H2BC5: variants seen among roughly 807,000 people sequenced by gnomAD.
H2BC5 encodes the protein histone H2B type 1-D.
Under a neutral mutation model 5.7 loss-of-function variants are expected in H2BC5, and 9 were observed. That is an observed-to-expected ratio of 1.57 (90% CI 0.95 to 2.74). H2BC5 has a LOEUF of 2.74. Among genes scored for constraint, H2BC5 ranks in the 30% most tolerant of loss-of-function variants. H2BC5 has a pLI of 0.00. For missense variants in H2BC5, 175 were observed against 168.8 expected, an observed-to-expected ratio of 1.04 and a Z score of -0.20; for synonymous variants, 133 against 70.9, an observed-to-expected ratio of 1.88 and a Z score of -4.40.
At position 26,158,472 on chromosome 6, in the gene H2BC5, G is replaced by C; in HGVS notation, c.303G>C (p.Leu101=). The C allele has an allele frequency of 1.2e-6, 2 of 1,614,256 alleles. No individual in the cohort carries two copies. Among genetic ancestry groups the C allele is most frequent in the South Asian group, 1.1e-5 (1 of 91,084 alleles). ...TSREIQTAVR[L]LLPGELAKHA... is the part of the protein sequence containing the mutation. ...GGGAGATCCAGACGGCCGTGCGCCT[G>C]CTGCTTCCGGGGGAGCTGGCCAAGC... The change falls in exon 1 of 1, where the codon CTG becomes CTC. Residue 101 remains leucine (L), a synonymous_variant. Coordinates refer to ENST00000377777, the MANE Select transcript of H2BC5 (RefSeq NM_021063.4).
intron 1 of H2BC5, among the ~76,000 whole-genome samples, chr6:26,169,624 G>C (rs556454661): frequency 3.1e-4 from 47 of 152,036 alleles, no homozygotes; most frequent in Non-Finnish European, 5.7e-4. Context: ...TGAGAAAAAA[G>C]GTGAGAGAAA....
rs1764270419 is a variant in H2BC5, at chr6:26,158,247, C to CG, written c.81dup (p.Lys28GlufsTer110). 1 of 1,614,210 alleles carries CG rather than the reference C, an allele frequency of 6.2e-7. No homozygotes were observed. Among genetic ancestry groups the CG allele is most frequent in the Non-Finnish European group, 8.5e-7 (1 of 1,180,044 alleles). ...CGGTGACTAAGGCTCAGAAGAAGGA[C>CG]GGGAAGAAGCGCAAGCGCAGCCGCA... On this transcript the variant is annotated frameshift_variant, in exon 1 of 1. Coordinates refer to ENST00000377777, the MANE Select transcript of H2BC5 (RefSeq NM_021063.4). LOFTEE classifies it high-confidence loss of function.
intron 1 of H2BC5, among the ~76,000 whole-genome samples, chr6:26,168,194 C>G (rs1764462873): frequency 6.6e-6 from 1 of 151,976 alleles, no homozygotes; most frequent in Non-Finnish European, 1.5e-5. Flanking sequence ...CCCAGTGGCT[C>G]AAGCCTGTAA....
chr6:26,158,370 C>G lies in H2BC5; in HGVS notation c.201C>G (p.Val67=), dbSNP rs779794822. ...CAATGGGGATCATGAATTCCTTCGT[C>G]AACGACATCTTCGAGCGCATCGCAG... ...SKAMGIMNSF[V]NDIFERIAGE... is the part of the protein sequence containing the mutation. Residue 67 remains valine (V), a synonymous_variant, in exon 1 of 1, where the codon GTC becomes GTG. Transcript: ENST00000377777. The G allele has an allele frequency of 1.2e-6, 2 of 1,614,276 alleles. No individual in the cohort carries two copies. Among genetic ancestry groups the G allele is most frequent in the Admixed American group, 1.7e-5 (1 of 60,030 alleles).
chr6:26,162,122 G>C (rs1195904623), downstream of H2BC5, among the ~76,000 whole-genome samples: 1 of 152,176 alleles, frequency 6.6e-6, no homozygotes, highest in Non-Finnish European at 1.5e-5. Context: ...AAAAGATTGT[G>C]ACTTCTGTTA....
chr6:26,171,285 T>G (rs1047208258), exon 2 of H2BC5: 3 of 152,228 alleles, frequency 2.0e-5, no homozygotes, highest in Non-Finnish European at 4.4e-5. Flanking sequence ...AAAGTCTGAA[T>G]GAGAAGATGG....
chr6:26,164,790 C>CT (rs1000406825), intron 1 of H2BC5, among the ~76,000 whole-genome samples: 4 of 151,958 alleles, frequency 2.6e-5, no homozygotes, highest in African/African-American at 9.7e-5. Flanking sequence ...ATGGAAGGCT[C>CT]TGGTGGTACC....
chr6:26,163,270 C>T (rs1764376803), downstream of H2BC5: 1 of 152,042 alleles, frequency 6.6e-6, no homozygotes, highest in Non-Finnish European at 1.5e-5. Context: ...TGAGGCACCG[C>T]ACCTGGCCCA....
At chr6:26,163,936 C>T (rs145152284) in intron 1 of H2BC5, 17 of 243,994 alleles carry the variant, frequency 7.0e-5, no homozygotes, top group Admixed American at 3.7e-4. Flanking sequence ...CCATTTCCTC[C>T]GGCACATGTT....
At chr6:26,159,940 C>G (rs1157414865), downstream of H2BC5, among the ~76,000 whole-genome samples, 1 of 152,214 alleles carries the variant, frequency 6.6e-6, no homozygotes, top group African/African-American at 2.4e-5. Flanking sequence ...GGCTTTTACT[C>G]AACCCGTGGA....
downstream of H2BC5, among the ~76,000 whole-genome samples, chr6:26,160,242 T>G (rs552059285): frequency 1.1e-4 from 16 of 152,180 alleles, no homozygotes; most frequent in African/African-American, 3.6e-4. Flanking sequence ...TTTGTGCCCC[T>G]GAGCACCCGG....
downstream of H2BC5, chr6:26,158,737 A>G: frequency 1.0e-6 from 1 of 974,252 alleles, no homozygotes; most frequent in Non-Finnish European, 1.5e-6. Context: ...GGGAATAACA[A>G]TAGGTACTAG....
chr6:26,166,994 C>A (rs981788407), intron 1 of H2BC5, among the ~76,000 whole-genome samples: 1 of 150,912 alleles, frequency 6.6e-6, no homozygotes, highest in African/African-American at 2.4e-5. Flanking sequence ...AGCCACCGTG[C>A]CCGGCCTCTT....
rs2113830949 is a variant in H2BC5 at position 26,158,298 on chromosome 6, C to G, written c.129C>G (p.Tyr43Ter). The change falls in exon 1 of 1, where the codon TAC becomes TAG. Residue 43 changes from tyrosine to a stop codon, truncating the protein, a stop_gained. Transcript: ENST00000377777. LOFTEE classifies it high-confidence loss of function. The part of the protein sequence containing the change: ...SRKESYSVYV[Y>*]KVLKQVHPDT... ...AGGAGAGCTATTCAGTGTATGTGTA[C>G]AAGGTGCTGAAGCAGGTCCATCCCG... The G allele has an allele frequency of 6.2e-7, 1 of 1,614,256 alleles. No homozygotes were observed. The highest frequency in any genetic ancestry group is 8.5e-7 in the Non-Finnish European group (1 of 1,180,058).
chr6:26,167,359 A>T (rs777603450), intron 1 of H2BC5, among the ~76,000 whole-genome samples: 2 of 152,188 alleles, frequency 1.3e-5, no homozygotes, highest in Non-Finnish European at 2.9e-5. Context: ...AGCCCTGTTA[A>T]GGGGCAGGTT....
At chr6:26,158,908 C>T (rs1764293909), downstream of H2BC5, among the ~76,000 whole-genome samples, 1 of 152,156 alleles carries the variant, frequency 6.6e-6, no homozygotes, top group South Asian at 2.1e-4. Context: ...GGTGACGGCC[C>T]GCCCTGAGCA....
At chr6:26,160,182 GA>G (rs903242854), downstream of H2BC5, among the ~76,000 whole-genome samples, 6 of 152,104 alleles carry the variant, frequency 3.9e-5, no homozygotes, top group African/African-American at 1.4e-4. Context: ...ATACCATAGG[GA>G]TTCAAACACC....
intron 1 of H2BC5, among the ~76,000 whole-genome samples, chr6:26,164,965 C>G (rs892769609): frequency 6.6e-6 from 1 of 152,134 alleles, no homozygotes; most frequent in African/African-American, 2.4e-5. Flanking sequence ...TCACTCCCCT[C>G]TCCCCACACT....
At chr6:26,170,208 G>A (rs992791636) in intron 1 of H2BC5, among the ~76,000 whole-genome samples, 1 of 152,122 alleles carries the variant, frequency 6.6e-6, no homozygotes, top group African/African-American at 2.4e-5. Context: ...TTAACTTGCT[G>A]TATGCATTCC....
Sources: gnomAD v4.1 joint callset for allele counts (sites outside exome capture counted in the v4.1 genomes callset) on GRCh38, gnomAD v4.1.1 for gene constraint, MANE v1.5 for transcripts, NCBI Gene and HGNC (gene_info 2026-07-23, HGNC 2026-07-21) for gene names.